Variants in HIPK3 observed in about 807,000 individuals in gnomAD.
HIPK3 encodes homeodomain-interacting protein kinase 3.
Under a neutral mutation model 124.2 loss-of-function variants are expected in HIPK3, and 47 were observed. That is an observed-to-expected ratio of 0.38 (90% CI 0.30 to 0.48). The LOEUF is 0.48. Ranked by LOEUF, HIPK3 falls within the 20% of genes least tolerant of loss-of-function variation. The probability of loss-of-function intolerance (pLI) is 0.98; values close to 1 mark genes in which losing one functional copy is unlikely to be tolerated. For missense variants in HIPK3, 1,286 were observed against 1,454.3 expected (o/e 0.88, Z 1.88); for synonymous variants, 482 against 515.2 (o/e 0.94, Z 0.87).
chr11:33,272,163 C>T (rs993432843), intron 1 of HIPK3, among the ~76,000 whole-genome samples: 15 of 152,068 alleles, frequency 9.9e-5, no homozygotes, highest in Admixed American at 7.2e-4. Flanking sequence ...TTTGGGAGGC[C>T]GAGGCAGGTG....
intron 3 of HIPK3, among the ~76,000 whole-genome samples, chr11:33,330,967 T>C (rs1429111135): frequency 6.6e-6 from 1 of 152,052 alleles, no homozygotes; most frequent in Admixed American, 6.6e-5. Context: ...CACTGCAACC[T>C]CCGCCTCATA....
At chr11:33,298,786 G>A (rs1259094188) in intron 2 of HIPK3, among the ~76,000 whole-genome samples, 1 of 152,166 alleles carries the variant, frequency 6.6e-6, no homozygotes, top group Non-Finnish European at 1.5e-5. Context: ...TAGAAGTGGA[G>A]TCTGAAGATG....
chr11:33,323,048 A>G (rs1446605797), intron 2 of HIPK3, among the ~76,000 whole-genome samples: 1 of 152,154 alleles, frequency 6.6e-6, no homozygotes, highest in African/African-American at 2.4e-5. Flanking sequence ...TTTATAATAG[A>G]CAAAAAGTAG....
chr11:33,301,424 A>G (rs1483632065), intron 2 of HIPK3, among the ~76,000 whole-genome samples: 2 of 152,004 alleles, frequency 1.3e-5, no homozygotes, highest in Non-Finnish European at 2.9e-5. Flanking sequence ...TTTGTATTCC[A>G]TTTTGGGTCT....
intron 2 of HIPK3, among the ~76,000 whole-genome samples, chr11:33,301,537 A>T (rs1851998437): frequency 6.6e-6 from 1 of 151,760 alleles, no homozygotes. Flanking sequence ...CTGTAATCCC[A>T]GCACTTTGGT....
intron 1 of HIPK3, among the ~76,000 whole-genome samples, chr11:33,266,205 T>C (rs1162661970): frequency 1.3e-5 from 2 of 151,904 alleles, no homozygotes; most frequent in African/African-American, 4.8e-5. Context: ...ATTAGCTGAA[T>C]ACTGTAAATT....
intron 8 of HIPK3, among the ~76,000 whole-genome samples, chr11:33,342,688 T>C (rs920551096): frequency 6.6e-6 from 1 of 152,048 alleles, no homozygotes; most frequent in East Asian, 1.9e-4. Context: ...GCTGGGAAGC[T>C]GGGATTACAG....
At chr11:33,290,705 A>G (rs1231852897) in intron 2 of HIPK3, among the ~76,000 whole-genome samples, 1 of 151,924 alleles carries the variant, frequency 6.6e-6, no homozygotes, top group African/African-American at 2.4e-5. Context: ...AATGAAGGAA[A>G]TCCTTTAAAA....
intron 1 of HIPK3, among the ~76,000 whole-genome samples, chr11:33,262,211 T>G (rs921287685): frequency 6.6e-6 from 1 of 152,204 alleles, no homozygotes. Context: ...ATGTCACTTC[T>G]TTTGGTTGGC....
Position 33,351,607 on chromosome 11 carries a change from G to A in HIPK3, c.2808-1G>A. 1 of 1,608,358 alleles carries A rather than the reference G, an allele frequency of 6.2e-7. No individual in the cohort carries two copies. Among genetic ancestry groups the A allele is most frequent in the Non-Finnish European group, 8.5e-7 (1 of 1,175,350 alleles). On this transcript the variant is annotated splice_acceptor_variant, in intron 14 of 16. Transcript: ENST00000303296. LOFTEE classifies it high-confidence loss of function. Reference sequence around the variant, plus strand: ...TCATAAAAAATGCTTTCTTTTTGTAGTATGTCAGATGAAGAGCAAGAAAGT... The same window carrying A: ...TCATAAAAAATGCTTTCTTTTTGTAATATGTCAGATGAAGAGCAAGAAAGT...
intron 3 of HIPK3, among the ~76,000 whole-genome samples, chr11:33,332,630 G>A (rs1853019931): frequency 6.6e-6 from 1 of 152,166 alleles, no homozygotes; most frequent in Admixed American, 6.5e-5. Flanking sequence ...GTAATTTCAA[G>A]TCTTATGTAA....
intron 2 of HIPK3, among the ~76,000 whole-genome samples, chr11:33,324,114 A>G (rs1041830140): frequency 4.3e-4 from 65 of 152,208 alleles, no homozygotes; most frequent in Admixed American, 4.3e-3. Flanking sequence ...AATTCTTGCT[A>G]TGGTCTTTTC....
chr11:33,297,621 T>TGAAGAA (rs1054417380), intron 2 of HIPK3, among the ~76,000 whole-genome samples: 29 of 152,296 alleles, frequency 1.9e-4, no homozygotes, highest in Non-Finnish European at 3.1e-4. Context: ...CAAGGGCTGA[T>TGAAGAA]GCAGAAGATC....
chr11:33,315,107 C>T (rs1186141936), intron 2 of HIPK3, among the ~76,000 whole-genome samples: 1 of 152,174 alleles, frequency 6.6e-6, no homozygotes, highest in Admixed American at 6.5e-5. Context: ...ATACATGCTA[C>T]CTCAGTTACT....
chr11:33,351,492 A>G, intron 14 of HIPK3, 116 bp from the exon 15 acceptor site: 1 of 678,742 alleles, frequency 1.5e-6, no homozygotes, highest in East Asian at 2.7e-5. Context: ...AGGTGTAATT[A>G]TATATAAAAT....
At chr11:33,262,600 G>A (rs937721006) in intron 1 of HIPK3, among the ~76,000 whole-genome samples, 1 of 152,204 alleles carries the variant, frequency 6.6e-6, no homozygotes, top group Non-Finnish European at 1.5e-5. Flanking sequence ...GTGGTTTGGA[G>A]ACAGTTAAGT....
chr11:33,312,384 T>TA (rs1266563481), intron 2 of HIPK3, among the ~76,000 whole-genome samples: 1 of 152,222 alleles, frequency 6.6e-6, no homozygotes, highest in East Asian at 1.9e-4. Context: ...AATCCCACTC[T>TA]TCTAGATATA....
intron 1 of HIPK3, among the ~76,000 whole-genome samples, chr11:33,263,059 G>A (rs905298048): frequency 3.9e-5 from 6 of 152,170 alleles, no homozygotes; most frequent in Admixed American, 1.3e-4. Flanking sequence ...TTGTAGAGAC[G>A]GGGTTGTGCT....
At chr11:33,285,780 CT>C (rs970580414) in intron 1 of HIPK3, among the ~76,000 whole-genome samples, 3 of 150,854 alleles carry the variant, frequency 2.0e-5, no homozygotes, top group Non-Finnish European at 3.0e-5. Flanking sequence ...AGGATCTGTA[CT>C]TTTTTTTTGA....
Sources: gnomAD v4.1 joint callset for allele counts (sites outside exome capture counted in the v4.1 genomes callset) on GRCh38, gnomAD v4.1.1 for gene constraint, MANE v1.5 for transcripts, NCBI Gene and HGNC (gene_info 2026-07-23, HGNC 2026-07-21) for gene names.